PLEKHA5: variants seen among roughly 807,000 people sequenced by gnomAD.
The protein encoded by PLEKHA5 is pleckstrin homology domain containing A5.
PLEKHA5 carries 55 observed loss-of-function variants against 181.9 expected under a neutral mutation model. That is an observed-to-expected ratio of 0.30 (90% CI 0.24 to 0.38). PLEKHA5 has a LOEUF of 0.38. Ranked by LOEUF, PLEKHA5 falls within the 10% of genes least tolerant of loss-of-function variation. The pLI, the probability that PLEKHA5 is intolerant of heterozygous loss-of-function variation, is 1.00. For missense variants in PLEKHA5, 1,432 were observed against 1,549.5 expected (o/e 0.92, Z 1.27); for synonymous variants, 535 against 529.4 (o/e 1.01, Z -0.15).
intron 5 of PLEKHA5, among the ~76,000 whole-genome samples, chr12:19,256,076 A>T (rs2066810164): frequency 6.6e-6 from 1 of 152,118 alleles, no homozygotes; most frequent in African/African-American, 2.4e-5. Context: ...AATCAATAAG[A>T]AAAGGGCTTA....
chr12:19,331,475 G>A (rs2092824794), intron 20 of PLEKHA5, among the ~76,000 whole-genome samples: 1 of 152,118 alleles, frequency 6.6e-6, no homozygotes, highest in African/African-American at 2.4e-5. Flanking sequence ...AAACTGCTGG[G>A]ATTACAGGCG....
chr12:19,228,311 A>G (rs1317908293), intron 3 of PLEKHA5, among the ~76,000 whole-genome samples: 1 of 152,188 alleles, frequency 6.6e-6, no homozygotes, highest in African/African-American at 2.4e-5. Context: ...GCATTATACA[A>G]CTAAGCCAAA....
At chr12:19,259,787 ATT>A (rs34120370) in intron 6 of PLEKHA5, among the ~76,000 whole-genome samples, 75,229 of 137,680 alleles carry the variant, frequency 0.55, 22,159 homozygotes, top group Non-Finnish European at 0.69. Context: ...TTGCCATTTA[ATT>A]TTTTTTTTTT....
At chr12:19,285,505 G>C (rs548344617) in intron 12 of PLEKHA5, among the ~76,000 whole-genome samples, 2 of 152,184 alleles carry the variant, frequency 1.3e-5, no homozygotes, top group African/African-American at 2.4e-5. Context: ...ATGGACCCCT[G>C]TGGGGGTTCC....
chr12:19,321,179 A>G (rs2090608403), intron 18 of PLEKHA5, among the ~76,000 whole-genome samples: 1 of 151,624 alleles, frequency 6.6e-6, no homozygotes, highest in Non-Finnish European at 1.5e-5. Flanking sequence ...AAAAAAAAAA[A>G]GTTATGGAAG....
Position 19,282,016 on chromosome 12 carries a change from T to A in PLEKHA5, c.1314-1264T>A, listed in dbSNP as rs1375169861. On this transcript the variant is annotated intron_variant, in intron 11 of 31. Transcript: ENST00000429027. ...CCAGGATGGTCTCGATCTCCTGACC[T>A]CTTGATCCGCCTGCCTCCGCCTCCC... Among the ~76,000 whole-genome samples, 5 of 152,018 alleles carry A rather than the reference T, an allele frequency of 3.3e-5. No homozygotes were observed. In the East Asian group the frequency reaches 9.6e-4, roughly 29 times the overall value.
chr12:19,263,140 A>C (rs1313518034), intron 7 of PLEKHA5, among the ~76,000 whole-genome samples: 1 of 152,086 alleles, frequency 6.6e-6, no homozygotes, highest in East Asian at 1.9e-4. Context: ...AAATTAAAAT[A>C]ATTAGATTTC....
rs1341284542 is a variant in PLEKHA5, at chr12:19,283,729, G to T, written c.1763G>T (p.Arg588Met). Residue 588 changes from arginine to methionine, a missense_variant, in exon 12 of 32, where the codon AGG becomes ATG. Arg to Met is a moderately conservative substitution (Grantham distance 91). This residue lies in a region of PLEKHA5 where 1,143 missense variants were observed against 1,168.4 expected (regional missense o/e 0.98). Transcript: ENST00000429027. ...GATGTGACAATAGACCGCAGACACA[G>T]GGCCCATCACCCTAAGGTAAAATAG... ...RGDVTIDRRH[R>M]AHHPKHVYVP... 1 of 1,611,594 alleles carries T rather than the reference G, an allele frequency of 6.2e-7. No homozygotes were observed. The highest frequency in any genetic ancestry group is 1.7e-4 in the Middle Eastern group (1 of 6,058).
chr12:19,154,612 T>C (rs755845694), intron 3 of PLEKHA5: 38 of 152,352 alleles, frequency 2.5e-4, no homozygotes, highest in Admixed American at 8.5e-4. Flanking sequence ...GACTCATCTC[T>C]TATTAGTGAG....
intron 3 of PLEKHA5, among the ~76,000 whole-genome samples, chr12:19,244,823 G>A (rs1592183147): frequency 6.6e-6 from 1 of 152,170 alleles, no homozygotes; most frequent in African/African-American, 2.4e-5. Flanking sequence ...TTGCCTGACT[G>A]TAATGGATCA....
In PLEKHA5 at chr12:19,178,890, G is replaced by A. The variant is rs547144933; in HGVS notation, c.227+46440G>A. Among the ~76,000 whole-genome samples the A allele has an allele frequency of 7.9e-5, 12 of 152,336 alleles. No individual in the cohort carries two copies. The South Asian group carries it at 2.3e-3, about 29-fold the overall frequency. On this transcript the variant is annotated intron_variant, in intron 3 of 31. Coordinates refer to ENST00000429027, the MANE Select transcript of PLEKHA5 (RefSeq NM_001256470.2). ...GTAGAAATATTTATAGTGGCTGGTGGAGTGCTGTTGGATATATCAGTCTAA... is the reference window on the plus strand; with the variant it reads ...GTAGAAATATTTATAGTGGCTGGTGAAGTGCTGTTGGATATATCAGTCTAA...
chr12:19,139,717 T>G (rs894358451), intron 3 of PLEKHA5, among the ~76,000 whole-genome samples: 4 of 152,194 alleles, frequency 2.6e-5, no homozygotes, highest in Admixed American at 2.6e-4. Context: ...TTGAAAGGCC[T>G]TAGCCCGTTG....
At chr12:19,213,189 A>C (rs34344757) in intron 3 of PLEKHA5, among the ~76,000 whole-genome samples, 14,192 of 152,072 alleles carry the variant, frequency 0.093, 803 homozygotes, top group Admixed American at 0.19. Flanking sequence ...AGCGGCATGG[A>C]TGGGGAACGA....
chr12:19,205,115 A>G (rs1423263384), intron 3 of PLEKHA5: 2 of 152,210 alleles, frequency 1.3e-5, no homozygotes, highest in Non-Finnish European at 2.9e-5. Flanking sequence ...GTTAAAAACA[A>G]ATCAGTTATC....
chr12:19,323,777 T>C (rs12829964), intron 20 of PLEKHA5, among the ~76,000 whole-genome samples: 113,100 of 148,236 alleles, frequency 0.76, 45,722 homozygotes, highest in Non-Finnish European at 0.92. Context: ...GATCATGCCA[T>C]TGCACTCCAG....
chr12:19,184,181 A>G (rs2049276174), intron 3 of PLEKHA5, among the ~76,000 whole-genome samples: 1 of 152,224 alleles, frequency 6.6e-6, no homozygotes, highest in South Asian at 2.1e-4. Context: ...TATGAAAAAG[A>G]TAAGAAGAAA....
rs577429475 is a variant in PLEKHA5, at chr12:19,282,574, C to T, written c.1314-706C>T. Reference sequence around the variant, plus strand: ...GTAATTTATTTCCTGTCTTTATGCTCTATGGGTATAACTCACTTCATATTT... The same window carrying T: ...GTAATTTATTTCCTGTCTTTATGCTTTATGGGTATAACTCACTTCATATTT... On this transcript the variant is annotated intron_variant, in intron 11 of 31. Coordinates refer to ENST00000429027, the MANE Select transcript of PLEKHA5 (RefSeq NM_001256470.2). Among the ~76,000 whole-genome samples, 6 of 152,260 alleles carry T rather than the reference C, an allele frequency of 3.9e-5. No individual in the cohort carries two copies. In the South Asian group the frequency reaches 1.2e-3, roughly 32 times the overall value.
Position 19,265,859 on chromosome 12 carries a change from A to G in PLEKHA5, c.711+9A>G. ...GCAAATATGCTTTTAAGGTAAGGAAATAATGCAGTTTTTAATTCTGTGTTC... is the reference window on the plus strand; with the variant it reads ...GCAAATATGCTTTTAAGGTAAGGAAGTAATGCAGTTTTTAATTCTGTGTTC... On this transcript the variant is annotated intron_variant, in intron 8 of 31. Coordinates refer to ENST00000429027, the MANE Select transcript of PLEKHA5 (RefSeq NM_001256470.2). 1.4e-6 allele frequency: 2 copies of G among 1,469,012 alleles called. No homozygotes were observed. Among genetic ancestry groups the G allele is most frequent in the Non-Finnish European group, 9.5e-7 (1 of 1,054,594 alleles). 91.0% of individuals were successfully genotyped at this position (1,469,012 alleles called of 1,614,324 possible). A position where few individuals can be genotyped will look rare whatever the true frequency, so the allele number is the denominator to read the frequency against.
In PLEKHA5 at chr12:19,257,353, G is replaced by A. The variant is rs2067146767; in HGVS notation, c.433-80G>A. On this transcript the variant is annotated intron_variant, in intron 5 of 31. Transcript: ENST00000429027. ...CAAGTCTTGGGAAAATCTGAAAAGA[G>A]ATTAAATTTTAAGAGGAAGATAAGC... The A allele has an allele frequency of 7.5e-6, 5 of 664,924 alleles. No homozygotes were observed. The Admixed American group carries it at 1.4e-4, about 19-fold the overall frequency. 41.2% of individuals were successfully genotyped at this position (664,924 alleles called of 1,614,324 possible).
Sources: gnomAD v4.1 joint callset for allele counts (sites outside exome capture counted in the v4.1 genomes callset) on GRCh38, gnomAD v4.1.1 for gene constraint, gnomAD v4.1.1 regional missense constraint, MANE v1.5 for transcripts, NCBI Gene and HGNC (gene_info 2026-07-23, HGNC 2026-07-21) for gene names.